The following SH3KBP1 variants were observed in gnomAD, a reference collection of about 807,000 sequenced individuals.
SH3KBP1 encodes the protein SH3 domain containing kinase binding protein 1.
SH3KBP1 carries 8 observed loss-of-function variants against 50.1 expected under a neutral mutation model. The observed-to-expected ratio is 0.16, with a 90% CI of 0.09 to 0.29. SH3KBP1 has a LOEUF of 0.29. SH3KBP1 is among the 10% of genes least tolerant of loss of function. SH3KBP1 has a pLI of 1.00. For missense variants in SH3KBP1, 377 were observed against 535.2 expected, an observed-to-expected ratio of 0.70 and a Z score of 2.92; for synonymous variants, 227 against 218.6, an observed-to-expected ratio of 1.04 and a Z score of -0.34.
At chrX:19,545,116 A>G (rs2065048106) in intron 15 of SH3KBP1, among the ~76,000 whole-genome samples, 1 of 112,447 alleles carries the variant, frequency 8.9e-6, no homozygotes, top group East Asian at 2.8e-4. Flanking sequence ...ATCTATGGAG[A>G]AGGAAAATTC....
intron 13 of SH3KBP1, among the ~76,000 whole-genome samples, chrX:19,564,269 C>G (rs7051590): frequency 0.28 from 31,048 of 110,975 alleles, 4,847 homozygotes; most frequent in African/African-American, 0.6. Context: ...TGTTTGTAGA[C>G]ATTTGGTGTC....
intron 7 of SH3KBP1, among the ~76,000 whole-genome samples, chrX:19,636,112 A>C (rs1185324940): frequency 9.1e-6 from 1 of 110,354 alleles, no homozygotes; most frequent in African/African-American, 3.3e-5. Context: ...TTAATTAGAG[A>C]TCAAATAGGA....
At position 19,695,574 on chromosome X, in the gene SH3KBP1, C is replaced by T. The variant is rs1316834783; in HGVS notation, c.520+38G>A. ...AGGCTGGAGCACAGCCTGCCGGTCC[C>T]CCGCCCCTCTCCTGCTTGGTAGGGT... On this transcript the variant is annotated intron_variant, in intron 5 of 17. Coordinates refer to ENST00000397821, the MANE Select transcript of SH3KBP1 (RefSeq NM_031892.3). 3.3e-6 allele frequency: 4 copies of T among 1,200,617 alleles called. No homozygotes were observed. In the African/African-American group the frequency reaches 5.3e-5, roughly 16 times the overall value.
chrX:19,787,371 T>C (rs1463293115), intron 2 of SH3KBP1, among the ~76,000 whole-genome samples: 1 of 112,177 alleles, frequency 8.9e-6, no homozygotes, highest in East Asian at 2.8e-4. Flanking sequence ...TAACTAGCAT[T>C]AGTAAATGTT....
chrX:19,813,499 C>A (rs1481776146), intron 2 of SH3KBP1, among the ~76,000 whole-genome samples: 2 of 111,721 alleles, frequency 1.8e-5, no homozygotes, highest in Non-Finnish European at 3.8e-5. Flanking sequence ...TAAGAACACG[C>A]AAGAGTTACT....
chrX:19,603,771 T>C (rs749280732), intron 9 of SH3KBP1, among the ~76,000 whole-genome samples: 2 of 111,930 alleles, frequency 1.8e-5, no homozygotes, highest in East Asian at 5.6e-4. Flanking sequence ...CACTGCAGCC[T>C]CAAACTTCTG....
At chrX:19,574,595 T>C (rs970886117) in intron 12 of SH3KBP1, among the ~76,000 whole-genome samples, 32 of 112,448 alleles carry the variant, frequency 2.8e-4, no homozygotes, top group Admixed American at 2.4e-3. Context: ...GGGTTTCTTT[T>C]ATAAAGGCAT....
chrX:19,842,014 T>C, intron 1 of SH3KBP1, among the ~76,000 whole-genome samples: 1 of 109,867 alleles, frequency 9.1e-6, no homozygotes, highest in East Asian at 2.8e-4. Flanking sequence ...AAAAAAACTA[T>C]GTTCAAATCT....
chrX:19,639,331 AAG>A lies in SH3KBP1; in HGVS notation c.802+6067_802+6068del, dbSNP rs1169041437. Among the ~76,000 whole-genome samples the A allele has an allele frequency of 5.4e-5, 6 of 111,315 alleles. No individual in the cohort carries two copies. The Admixed American group carries it at 5.7e-4, about 11-fold the overall frequency. ...ATGACACCATTTAACCTCCTCTAAA[AAG>A]AGAAGTATATTTTAAAAAGAAGAAA... On this transcript the variant is annotated intron_variant, in intron 7 of 17. Transcript: ENST00000397821.
intron 9 of SH3KBP1, among the ~76,000 whole-genome samples, chrX:19,605,132 G>A (rs1291720601): frequency 1.8e-5 from 2 of 110,482 alleles, no homozygotes; most frequent in Non-Finnish European, 3.8e-5. Flanking sequence ...GAAAAGTACT[G>A]TATGGAGTAG....
chrX:19,793,865 G>A (rs1046261523), intron 2 of SH3KBP1, among the ~76,000 whole-genome samples: 1 of 111,103 alleles, frequency 9.0e-6, no homozygotes, highest in Non-Finnish European at 1.9e-5. Context: ...CAGACTCCCA[G>A]GAAAGAATCC....
Position 19,645,461 on chromosome X carries a change from C to T in SH3KBP1, c.741G>A (p.Lys247=). The T allele has an allele frequency of 8.4e-7, 1 of 1,196,862 alleles. No individual in the cohort carries two copies. The highest frequency in any genetic ancestry group is 1.7e-5 in the African/African-American group (1 of 57,545). The part of the protein sequence containing the change: ...FLPVEKTIGK[K]LPATTATPDS... The stretch of plus-strand genomic sequence containing the variant: ...CTGGAGTTGCTGTAGTTGCAGGTAA[C>T]TTCTTCCCAATAGTCTGAGGGGAAA... Residue 247 remains lysine, a synonymous_variant, in exon 7 of 18, where the codon AAG becomes AAA. Coordinates refer to ENST00000397821, the MANE Select transcript of SH3KBP1 (RefSeq NM_031892.3).
chrX:19,776,777 C>T (rs2065997126), intron 2 of SH3KBP1, among the ~76,000 whole-genome samples: 1 of 109,774 alleles, frequency 9.1e-6, no homozygotes, highest in African/African-American at 3.3e-5. Context: ...TGGTCTCAAA[C>T]TCCTGGCCTC....
intron 1 of SH3KBP1, among the ~76,000 whole-genome samples, chrX:19,868,840 G>C (rs2068970755): frequency 9.2e-6 from 1 of 108,244 alleles, no homozygotes; most frequent in South Asian, 4.2e-4. Flanking sequence ...ACGGTAGACA[G>C]AATAATGCTC....
intron 6 of SH3KBP1, among the ~76,000 whole-genome samples, chrX:19,681,794 C>T (rs1405232639): frequency 9.0e-6 from 1 of 111,133 alleles, no homozygotes; most frequent in Non-Finnish European, 1.9e-5. Context: ...TAACGAGGGT[C>T]GGGTCTCACT....
intron 2 of SH3KBP1, among the ~76,000 whole-genome samples, chrX:19,786,194 A>G (rs766379672): frequency 1.9e-4 from 21 of 111,689 alleles, no homozygotes; most frequent in Non-Finnish European, 3.8e-4. Context: ...TGTACTCTGC[A>G]TGTCTGGGGC....
At chrX:19,541,131 A>G (rs1004965872) in intron 16 of SH3KBP1, among the ~76,000 whole-genome samples, 2 of 111,516 alleles carry the variant, frequency 1.8e-5, no homozygotes, top group Admixed American at 9.5e-5. Flanking sequence ...TGGCCAGGCT[A>G]GTCTCAAACT....
intron 13 of SH3KBP1, among the ~76,000 whole-genome samples, chrX:19,564,861 A>C (rs1049441653): frequency 9.2e-6 from 1 of 108,683 alleles, no homozygotes; most frequent in Non-Finnish European, 1.9e-5. Context: ...ACACTGGTGG[A>C]TGGTTAGCAG....
intron 2 of SH3KBP1, among the ~76,000 whole-genome samples, chrX:19,766,662 C>T (rs1248827884): frequency 9.3e-6 from 1 of 107,358 alleles, no homozygotes; most frequent in Non-Finnish European, 1.9e-5. Context: ...CGCCACCAGG[C>T]CTGGCTAATT....
Sources: allele counts gnomAD v4.1 joint callset (sites outside exome capture counted in the v4.1 genomes callset), GRCh38; gene constraint gnomAD v4.1.1; transcripts MANE v1.5; gene names NCBI Gene and HGNC (gene_info 2026-07-23, HGNC 2026-07-21).